The following CMSS1 variants were observed in gnomAD, a reference collection of about 807,000 sequenced individuals.
The protein encoded by CMSS1 is protein CMSS1.
A neutral mutation model predicts 43.5 loss-of-function variants in CMSS1; 33 were observed. That is an observed-to-expected ratio of 0.76 (90% CI 0.57 to 1.01). The LOEUF is 1.01. CMSS1 is among the 50% of genes least tolerant of loss of function. The pLI is 0.00. For missense variants in CMSS1, 313 were observed against 326.4 expected, an observed-to-expected ratio of 0.96 and a Z score of 0.32; for synonymous variants, 115 against 117.2, an observed-to-expected ratio of 0.98 and a Z score of 0.12.
At chr3:100,137,915 G>A (rs1297028867) in intron 1 of CMSS1, among the ~76,000 whole-genome samples, 1 of 152,038 alleles carries the variant, frequency 6.6e-6, no homozygotes, top group Non-Finnish European at 1.5e-5. Flanking sequence ...GTAGACATCT[G>A]TACCTAACAA....
At chr3:100,101,955 A>G (rs2066314591) in intron 1 of CMSS1, among the ~76,000 whole-genome samples, 5 of 152,056 alleles carry the variant, frequency 3.3e-5, no homozygotes, top group African/African-American at 1.2e-4. Flanking sequence ...TGAACTCATC[A>G]TTTTTTATGG....
At chr3:99,874,338 G>A (rs1416456004) in intron 1 of CMSS1, 2 of 152,130 alleles carry the variant, frequency 1.3e-5, no homozygotes, top group East Asian at 3.8e-4. Flanking sequence ...GTTAGATTCA[G>A]AAGAGCAGAA....
chr3:99,996,868 G>C (rs1709700874), intron 1 of CMSS1, among the ~76,000 whole-genome samples: 2 of 151,250 alleles, frequency 1.3e-5, no homozygotes, highest in Non-Finnish European at 2.9e-5. Flanking sequence ...TTCAAGATGA[G>C]ATTTGGGTGG....
At chr3:99,952,266 A>G (rs1708199870) in intron 1 of CMSS1, among the ~76,000 whole-genome samples, 1 of 152,174 alleles carries the variant, frequency 6.6e-6, no homozygotes, top group South Asian at 2.1e-4. Flanking sequence ...AAATCAAATT[A>G]GGGCAGTTTC....
At chr3:99,887,375 G>A (rs1193176196) in intron 1 of CMSS1, among the ~76,000 whole-genome samples, 3 of 152,222 alleles carry the variant, frequency 2.0e-5, no homozygotes, top group African/African-American at 4.8e-5. Flanking sequence ...AAGGAGAATG[G>A]TGGAACAAAG....
At chr3:100,009,805 A>G (rs994777676) in intron 1 of CMSS1, among the ~76,000 whole-genome samples, 1 of 152,182 alleles carries the variant, frequency 6.6e-6, no homozygotes, top group Non-Finnish European at 1.5e-5. Flanking sequence ...AGAGAGTGCA[A>G]TGTATGGTTT....
chr3:100,126,522 G>C (rs2066663052), intron 1 of CMSS1, among the ~76,000 whole-genome samples: 1 of 152,086 alleles, frequency 6.6e-6, no homozygotes, highest in African/African-American at 2.4e-5. Context: ...CAAATGTATA[G>C]GCCATTATAT....
Position 100,123,133 on chromosome 3 carries a change from TAGAA to T in CMSS1, c.65-23837_65-23834del, listed in dbSNP as rs1294193697. 2.0e-5 allele frequency among the ~76,000 whole-genome samples: 3 copies of T among 152,136 alleles called. No homozygotes were observed. In the East Asian group the frequency reaches 5.8e-4, roughly 29 times the overall value. ...AGTACATCTTGTGATAGTGCTGTAATAGAAAGGAAGAGAAAATCATGACAGAGAA... is the reference window on the plus strand; with the variant it reads ...AGTACATCTTGTGATAGTGCTGTAATAGGAAGAGAAAATCATGACAGAGAA... On this transcript the variant is annotated intron_variant, in intron 1 of 9. Transcript: ENST00000421999.
chr3:99,849,428 G>T, intron 1 of CMSS1: 1 of 1,613,632 alleles, frequency 6.2e-7, no homozygotes, highest in African/African-American at 1.3e-5. Context: ...TGTTGATTTA[G>T]TTTTTTTTGC....
chr3:100,054,495 A>ATGTTG (rs1459088582), intron 1 of CMSS1, among the ~76,000 whole-genome samples: 1 of 33,492 alleles, frequency 3.0e-5, no homozygotes, highest in African/African-American at 1.3e-4. Context: ...ATGTTTTGTT[A>ATGTTG]TGTTATGTTA....
chr3:100,171,786 G>A (rs193241418), intron 6 of CMSS1, 53 bp from the exon 7 acceptor site: 10 of 1,418,738 alleles, frequency 7.0e-6, no homozygotes, highest in East Asian at 6.8e-5. Flanking sequence ...AGTAGTCATC[G>A]TGGCCTAGAA....
intron 6 of CMSS1, among the ~76,000 whole-genome samples, chr3:100,168,360 A>C (rs906587504): frequency 5.9e-5 from 9 of 152,176 alleles, no homozygotes; most frequent in Non-Finnish European, 1.0e-4. Context: ...CATACCCCAA[A>C]CAACCAGTTA....
intron 1 of CMSS1, chr3:99,930,892 C>T (rs1372971789): frequency 6.2e-7 from 1 of 1,613,452 alleles, no homozygotes; most frequent in South Asian, 1.1e-5. Flanking sequence ...TTACATCCGA[C>T]TCACTGGGGG....
At chr3:100,156,132 C>G (rs190507491) in intron 2 of CMSS1, among the ~76,000 whole-genome samples, 1 of 151,474 alleles carries the variant, frequency 6.6e-6, no homozygotes, top group Admixed American at 6.6e-5. Context: ...TCTTTGATGA[C>G]TCCTTTTTAG....
At chr3:100,053,792 A>G (rs1177554272) in intron 1 of CMSS1, among the ~76,000 whole-genome samples, 1 of 152,226 alleles carries the variant, frequency 6.6e-6, no homozygotes, top group Admixed American at 6.5e-5. Flanking sequence ...AACCCTAACT[A>G]ATCAATTCTT....
intron 1 of CMSS1, among the ~76,000 whole-genome samples, chr3:100,103,790 A>G (rs2066348673): frequency 1.3e-5 from 2 of 152,164 alleles, no homozygotes; most frequent in South Asian, 2.1e-4. Flanking sequence ...TCAAATAACA[A>G]ATTGTTGCAT....
chr3:99,855,818 T>C (rs1943935296), intron 1 of CMSS1, among the ~76,000 whole-genome samples: 1 of 152,250 alleles, frequency 6.6e-6, no homozygotes, highest in South Asian at 2.1e-4. Context: ...ATCTAGATTC[T>C]TTCATTCAAT....
intron 1 of CMSS1, among the ~76,000 whole-genome samples, chr3:100,055,342 C>T (rs915016906): frequency 2.6e-5 from 4 of 152,182 alleles, no homozygotes; most frequent in Admixed American, 6.5e-5. Context: ...CTGGCACACT[C>T]AGTCCATCCA....
At chr3:100,001,195 C>T (rs1197114292) in intron 1 of CMSS1, among the ~76,000 whole-genome samples, 2 of 152,172 alleles carry the variant, frequency 1.3e-5, no homozygotes, top group Non-Finnish European at 2.9e-5. Context: ...CTCACTTTGT[C>T]TCAGTTCACC....
Sources: gnomAD v4.1 joint callset for allele counts (sites outside exome capture counted in the v4.1 genomes callset) on GRCh38, gnomAD v4.1.1 for gene constraint, MANE v1.5 for transcripts, NCBI Gene and HGNC (gene_info 2026-07-23, HGNC 2026-07-21) for gene names.